The following ABCA7 variants were observed in gnomAD, a reference collection of about 807,000 sequenced individuals.
ABCA7 encodes phospholipid-transporting ATPase ABCA7.
In ABCA7, 261 loss-of-function variants were observed where a neutral mutation model predicts 227.6. The ratio of observed to expected loss-of-function variants is 1.15; its 90% CI spans 1.04 to 1.27. The LOEUF (loss-of-function observed/expected upper bound fraction) is 1.27, where lower values mean the gene tolerates loss of function less well. Ranked by LOEUF, ABCA7 falls within the 50% of genes most tolerant of loss-of-function variation. The pLI is 0.00. For synonymous variants in ABCA7, 1,488 were observed against 1,279.7 expected, an observed-to-expected ratio of 1.16 and a Z score of -3.47; for missense variants, 3,331 against 2,924.5, an observed-to-expected ratio of 1.14 and a Z score of -3.21.
intron 1 of ABCA7, among the ~76,000 whole-genome samples, chr19:1,040,453 C>A (rs930990630): frequency 6.6e-6 from 1 of 152,154 alleles, no homozygotes; most frequent in Non-Finnish European, 1.5e-5. Context: ...CCCCGTCTTA[C>A]AAATGGAGAA....
intron 12 of ABCA7, 126 bp from the exon 13 acceptor site, chr19:1,046,104 G>A (rs1031034813): frequency 1.3e-5 from 15 of 1,115,634 alleles, no homozygotes; most frequent in South Asian, 7.3e-5. Context: ...AGTGAGCTAT[G>A]ATTGCAGCTC....
chr19:1,063,313 C>T (rs558820627), intron 42 of ABCA7, among the ~76,000 whole-genome samples: 14,924 of 30,266 alleles, frequency 0.49, 5,357 homozygotes, highest in Middle Eastern at 0.71. Context: ...ACACCCATCC[C>T]AGCTCCACCC....
Position 1,041,947 on chromosome 19 carries a change from C to A in ABCA7, c.277C>A (p.Arg93Ser), listed in dbSNP as rs758423495. The A allele has an allele frequency of 2.5e-6, 4 of 1,588,662 alleles. No individual in the cohort carries two copies. The African/African-American group carries it at 4.1e-5, about 16-fold the overall frequency. ...GCTGACACCGGGCGAGGAGCCCGGG[C>A]GCCTGAGCAACTTCAACGACTCCCT... is the stretch of plus-strand genomic sequence containing the variant. The part of the protein sequence containing the change: ...PQLTPGEEPG[R>S]LSNFNDSLVS... The change falls in exon 4 of 47, where the codon CGC becomes AGC. Residue 93 changes from arginine (R) to serine (S), a missense_variant. Coordinates refer to ENST00000263094, the MANE Select transcript of ABCA7 (RefSeq NM_019112.4).
rs1263065305 is a variant in ABCA7, at chr19:1,065,067, C to T, written c.6181C>T (p.Pro2061Ser). 1.3e-6 allele frequency: 2 copies of T among 1,564,408 alleles called. No individual in the cohort carries two copies. Among genetic ancestry groups the T allele is most frequent in the East Asian group, 2.4e-5 (1 of 41,812 alleles). ...HGGRLRFQLP[P>S]GGRCALARVF... Reference sequence around the variant, plus strand: ...AGGCCGCCTGCGCTTCCAGCTGCCGCCGGGAGGGCGCTGCGCCCTGGCGCG... The same window carrying T: ...AGGCCGCCTGCGCTTCCAGCTGCCGTCGGGAGGGCGCTGCGCCCTGGCGCG... The change falls in exon 46 of 47, where the codon CCG becomes TCG. Residue 2061 changes from proline (P) to serine (S), a missense_variant. By Grantham distance (74) the Pro-to-Ser change is moderately conservative (BLOSUM62 -1). Coordinates refer to ENST00000263094, the MANE Select transcript of ABCA7 (RefSeq NM_019112.4).
chr19:1,050,076 G>A (rs1027720535), intron 18 of ABCA7, among the ~76,000 whole-genome samples: 5 of 147,162 alleles, frequency 3.4e-5, no homozygotes, highest in Non-Finnish European at 5.9e-5. Flanking sequence ...CAGTAATGGC[G>A]CCACTGCACT....
intron 6 of ABCA7, 22 bp from the exon 7 acceptor site, chr19:1,042,724 C>G: frequency 6.2e-7 from 1 of 1,611,754 alleles, no homozygotes; most frequent in Non-Finnish European, 8.5e-7. Flanking sequence ...ATCATTGTCC[C>G]CCTTGTGGTC....
Position 1,046,226 on chromosome 19 carries a change from G to C in ABCA7, c.1446-4G>C. ...TACAACCGGCCACCATGCCCCTCTCGCAGGTTTTGGGACCCTGGCCCAGCC... is the reference window on the plus strand; with the variant it reads ...TACAACCGGCCACCATGCCCCTCTCCCAGGTTTTGGGACCCTGGCCCAGCC... On this transcript the variant is annotated splice_region_variant and splice_polypyrimidine_tract_variant and intron_variant, in intron 12 of 46. Transcript: ENST00000263094. 6.2e-7 allele frequency: 1 copy of C among 1,605,878 alleles called. No homozygotes were observed.
chr19:1,047,711 A>T (rs1450847250), intron 16 of ABCA7, 57 bp downstream of exon 16: 15 of 1,468,020 alleles, frequency 1.0e-5, no homozygotes, highest in Non-Finnish European at 1.4e-5. Flanking sequence ...CGGGAGGCTG[A>T]GCTAGGGGTG....
Position 1,056,598 on chromosome 19 carries a change from C to A in ABCA7, c.4586+99C>A. 1 of 1,391,658 alleles carries A rather than the reference C, an allele frequency of 7.2e-7. No homozygotes were observed. Among genetic ancestry groups the A allele is most frequent in the Non-Finnish European group, 9.7e-7 (1 of 1,027,880 alleles). 86.2% of individuals were successfully genotyped at this position (1,391,658 alleles called of 1,614,324 possible). A position where few individuals can be genotyped will look rare whatever the true frequency, so the allele number is the denominator to read the frequency against. On this transcript the variant is annotated intron_variant, in intron 33 of 46. Coordinates refer to ENST00000263094, the MANE Select transcript of ABCA7 (RefSeq NM_019112.4). The surrounding 1 kb of genome is among the most constrained non-coding windows in gnomAD (Gnocchi z 4.3). ...TGGGAGCTGGATTTGAACCCTGACACACTCTTGCTTTATAAATGGGGGATA... is the reference window on the plus strand; with the variant it reads ...TGGGAGCTGGATTTGAACCCTGACAAACTCTTGCTTTATAAATGGGGGATA...
chr19:1,046,345 G>A lies in ABCA7; in HGVS notation c.1561G>A (p.Ala521Thr), dbSNP rs573888727. 3.2e-5 allele frequency: 51 copies of A among 1,600,418 alleles called. No individual in the cohort carries two copies. The South Asian group carries it at 4.2e-4, about 13-fold the overall frequency. The change falls in exon 13 of 47, where the codon GCC becomes ACC. Residue 521 changes from alanine to threonine, a missense_variant. Transcript: ENST00000263094. Reference sequence around the variant, plus strand: ...TGCAGCCGTCCGCGTGCTCAGCGGCGCCAACCCCCGGGCCGGCCTCTACCT... The same window carrying A: ...TGCAGCCGTCCGCGTGCTCAGCGGCACCAACCCCCGGGCCGGCCTCTACCT... ...ERAAVRVLSG[A>T]NPRAGLYLQQ... is the part of the protein sequence containing the mutation.
In ABCA7 at chr19:1,053,469, GAC is replaced by G. The variant is rs2041961654; in HGVS notation, c.3364_3365del (p.Thr1122AlafsTer78). Reference sequence around the variant, plus strand: ...CTTCGCCACACTCTTCCGAGAGCTAGACACGCGGCTGGCGGAGCTGAGGCTCA... The same window carrying G: ...CTTCGCCACACTCTTCCGAGAGCTAGACGCGGCTGGCGGAGCTGAGGCTCA... ...GSFATLFREL[D>X]TRLAELRLTG... is the part of the protein sequence containing the mutation. On this transcript the variant is annotated frameshift_variant, in exon 24 of 47. Coordinates refer to ENST00000263094, the MANE Select transcript of ABCA7 (RefSeq NM_019112.4). LOFTEE classifies it high-confidence loss of function. 1 of 1,596,294 alleles carries G rather than the reference GAC, an allele frequency of 6.3e-7. No homozygotes were observed. The highest frequency in any genetic ancestry group is 1.3e-5 in the African/African-American group (1 of 74,686).
intron 16 of ABCA7, 63 bp downstream of exon 16, chr19:1,047,717 G>A: frequency 6.7e-7 from 1 of 1,487,538 alleles, no homozygotes; most frequent in Non-Finnish European, 9.0e-7. Context: ...GCTGAGCTAG[G>A]GGTGTGGCCT....
rs2144742596 is a variant in ABCA7 at position 1,047,518 on chromosome 19, C to T, written c.2133C>T (p.Gly711=). The change falls in exon 16 of 47, where the codon GGC becomes GGT. Residue 711 remains glycine, a synonymous_variant. Coordinates refer to ENST00000263094, the MANE Select transcript of ABCA7 (RefSeq NM_019112.4). ...GCCTGGCTCTGCTGGAGGAGCAGGG[C>T]GAGGGCGCGCAGTGGCACAACGTGG... The part of the protein sequence containing the change: ...CESLALLEEQ[G]EGAQWHNVGT... 1 of 1,589,440 alleles carries T rather than the reference C, an allele frequency of 6.3e-7. No individual in the cohort carries two copies. Among genetic ancestry groups the T allele is most frequent in the African/African-American group, 1.3e-5 (1 of 74,822 alleles).
chr19:1,047,830 G>A (rs2040866459), intron 16 of ABCA7, among the ~76,000 whole-genome samples, 176 bp downstream of exon 16: 1 of 152,144 alleles, frequency 6.6e-6, no homozygotes, highest in African/African-American at 2.4e-5. Flanking sequence ...GGGGCCTGAG[G>A]CAGGTGGGCG....
chr19:1,053,231 C>G, intron 23 of ABCA7, 98 bp from the exon 24 acceptor site: 1 of 1,289,842 alleles, frequency 7.8e-7, no homozygotes, highest in Non-Finnish European at 1.1e-6. Flanking sequence ...CTCTGTCTGC[C>G]GGGACAGTCC....
chr19:1,045,870 G>A (rs901184649), intron 12 of ABCA7, among the ~76,000 whole-genome samples: 3 of 151,522 alleles, frequency 2.0e-5, no homozygotes, highest in African/African-American at 7.3e-5. Context: ...AGCCGGGCGT[G>A]GTAGCACGCG....
chr19:1,051,536 A>T lies in ABCA7; in HGVS notation c.2912A>T (p.Asp971Val). Residue 971 changes from aspartate (D) to valine (V), a missense_variant, in exon 21 of 47, where the codon GAT becomes GTT. Asp to Val is a radical substitution (Grantham distance 152, BLOSUM62 -3). Coordinates refer to ENST00000263094, the MANE Select transcript of ABCA7 (RefSeq NM_019112.4). ...VILDEPTAGV[D>V]PASRRGIWEL... ...CTGGACGAGCCTACGGCTGGCGTGG[A>T]TCCTGCTTCCCGCCGCGGTATTTGG... 1 of 1,612,554 alleles carries T rather than the reference A, an allele frequency of 6.2e-7. No individual in the cohort carries two copies. Among genetic ancestry groups the T allele is most frequent in the African/African-American group, 1.3e-5 (1 of 75,014 alleles).
Position 1,063,805 on chromosome 19 carries a change from T to C in ABCA7, c.5893T>C (p.Trp1965Arg), listed in dbSNP as rs1465645956. 4.5e-6 allele frequency: 7 copies of C among 1,546,092 alleles called. No homozygotes were observed. The highest frequency in any genetic ancestry group is 2.0e-5 in the Admixed American group (1 of 51,030). ...GMDPSARRFL[W>R]NSLLAVVREG... ...GGACCCCAGCGCGCGGCGCTTCCTT[T>C]GGAACAGCCTTTTGGCCGTGGTGCG... Residue 1965 changes from tryptophan to arginine, a missense_variant, in exon 44 of 47, where the codon TGG becomes CGG. Coordinates refer to ENST00000263094, the MANE Select transcript of ABCA7 (RefSeq NM_019112.4).
Position 1,054,111 on chromosome 19 carries a change from G to T in ABCA7, c.3577+1G>T. On this transcript the variant is annotated splice_donor_variant, in intron 26 of 46. Transcript: ENST00000263094. LOFTEE classifies it high-confidence loss of function. This position sits in a 1 kb window ranked among gnomAD's most constrained non-coding sequence, Gnocchi z 4.8. ...ACAGCGCTGGAGAACGGGGAACCAG[G>T]TAAGTCCTTCCCAGTGGCCCTGGGG... is the stretch of plus-strand genomic sequence containing the variant. The T allele has an allele frequency of 6.2e-7, 1 of 1,613,192 alleles. No homozygotes were observed. The highest frequency in any genetic ancestry group is 8.5e-7 in the Non-Finnish European group (1 of 1,179,942).
Sources: gnomAD v4.1 joint callset for allele counts (sites outside exome capture counted in the v4.1 genomes callset) on GRCh38, gnomAD v4.1.1 for gene constraint, Gnocchi (gnomAD v3.1) non-coding constraint, MANE v1.5 for transcripts, NCBI Gene and HGNC (gene_info 2026-07-23, HGNC 2026-07-21) for gene names.